The following DBX2 variants were observed in gnomAD, a reference collection of about 807,000 sequenced individuals.
DBX2 encodes homeobox protein DBX2.
DBX2 carries 16 observed loss-of-function variants against 17.7 expected under a neutral mutation model. The observed-to-expected ratio is 0.90, with a 90% CI of 0.61 to 1.37. The LOEUF is 1.37. Ranked by LOEUF, DBX2 falls within the 40% of genes most tolerant of loss-of-function variation. The probability of loss-of-function intolerance (pLI) is 0.00; values close to 1 mark genes in which losing one functional copy is unlikely to be tolerated. For synonymous variants in DBX2, 255 were observed against 183.8 expected (o/e 1.39, Z -3.13); for missense variants, 538 against 433.8 (o/e 1.24, Z -2.13).
At chr12:45,046,644 C>A (rs1946501910) in intron 1 of DBX2, among the ~76,000 whole-genome samples, 1 of 152,160 alleles carries the variant, frequency 6.6e-6, no homozygotes, top group Admixed American at 6.5e-5. Context: ...TTATTTCACA[C>A]TTTCAGTGTA....
At position 45,050,537 on chromosome 12, in the gene DBX2, G is replaced by A. The variant is rs1946525090; in HGVS notation, c.391C>T (p.Pro131Ser). 5 of 1,552,292 alleles carry A rather than the reference G, an allele frequency of 3.2e-6. No homozygotes were observed. The highest frequency in any genetic ancestry group is 3.5e-6 in the Non-Finnish European group (4 of 1,148,944). Residue 131 changes from proline (P) to serine (S), a missense_variant, in exon 1 of 4, where the codon CCT becomes TCT. Transcript: ENST00000332700. ...APGDRDCTFQ[P>S]SAPAPSKPFL... Reference sequence around the variant, plus strand: ...AGAGCTGGCTCACCTGGCGCTGAAGGCTGGAAGGTACAGTCTCGGTCCCCC... The same window carrying A: ...AGAGCTGGCTCACCTGGCGCTGAAGACTGGAAGGTACAGTCTCGGTCCCCC...
chr12:45,046,390 C>T (rs1163537049), intron 1 of DBX2, among the ~76,000 whole-genome samples: 1 of 152,082 alleles, frequency 6.6e-6, no homozygotes, highest in East Asian at 1.9e-4. Flanking sequence ...TAGCATAGGT[C>T]CCATCACTAT....
chr12:45,027,359 A>C (rs1203229539), intron 2 of DBX2, among the ~76,000 whole-genome samples: 1 of 152,242 alleles, frequency 6.6e-6, no homozygotes, highest in African/African-American at 2.4e-5. Flanking sequence ...AAGGACTTAG[A>C]GCAAAGCTGG....
At chr12:45,045,306 T>A (rs536985454) in intron 1 of DBX2, among the ~76,000 whole-genome samples, 8 of 152,342 alleles carry the variant, frequency 5.3e-5, no homozygotes, top group African/African-American at 1.4e-4. Context: ...AAACACTGTA[T>A]TAAGGGCTGC....
chr12:45,046,987 T>C (rs1162873829), intron 1 of DBX2, among the ~76,000 whole-genome samples: 2 of 152,214 alleles, frequency 1.3e-5, no homozygotes, highest in Non-Finnish European at 1.5e-5. Context: ...ATAAAGGAAA[T>C]TATATTCAGG....
At chr12:45,034,452 C>T (rs971390034) in intron 2 of DBX2, among the ~76,000 whole-genome samples, 7 of 152,208 alleles carry the variant, frequency 4.6e-5, no homozygotes, top group African/African-American at 7.2e-5. Context: ...CAATTGCCCT[C>T]ACAGGAGACC....
chr12:45,037,503 A>T (rs565338837), intron 1 of DBX2, among the ~76,000 whole-genome samples: 1 of 152,296 alleles, frequency 6.6e-6, no homozygotes, highest in South Asian at 2.1e-4. Context: ...GGTGTCTCTC[A>T]TAACTGATGA....
At chr12:45,024,687 G>T (rs1264164490) in intron 2 of DBX2, among the ~76,000 whole-genome samples, 1 of 152,196 alleles carries the variant, frequency 6.6e-6, no homozygotes, top group East Asian at 1.9e-4. Context: ...ATGTTTAATT[G>T]CTCTCATTAC....
chr12:45,025,022 C>A (rs1946374069), intron 2 of DBX2, among the ~76,000 whole-genome samples: 1 of 152,160 alleles, frequency 6.6e-6, no homozygotes, highest in Non-Finnish European at 1.5e-5. Flanking sequence ...ATTCTGCTTC[C>A]CAGGTGTGGC....
intron 2 of DBX2, among the ~76,000 whole-genome samples, chr12:45,027,787 A>T (rs1946389135): frequency 6.6e-6 from 1 of 152,258 alleles, no homozygotes; most frequent in Admixed American, 6.5e-5. Flanking sequence ...TAATGAAAAC[A>T]GGCAAGCATT....
At chr12:45,039,787 G>A (rs114745061) in intron 1 of DBX2, among the ~76,000 whole-genome samples, 1,867 of 151,946 alleles carry the variant, frequency 0.012, 45 homozygotes, top group African/African-American at 0.042. Flanking sequence ...TAGCCATGAG[G>A]GATAGAGATT....
intron 3 of DBX2, among the ~76,000 whole-genome samples, chr12:45,019,367 C>A (rs1005646564): frequency 2.6e-5 from 4 of 151,958 alleles, no homozygotes; most frequent in African/African-American, 9.7e-5. Context: ...CAAATAAAAG[C>A]CCCTCACGTT....
chr12:45,015,986 T>C lies in DBX2; in HGVS notation c.*300A>G, dbSNP rs1375263843. ...ACATTTTAATGGATATTTATGTATA[T>C]ACACACACATAGAGACAAACACATA... is the stretch of plus-strand genomic sequence containing the variant. On this transcript the variant is annotated 3_prime_UTR_variant, in exon 4 of 4. Transcript: ENST00000332700. 5 of 222,818 alleles carry C rather than the reference T, an allele frequency of 2.2e-5. No individual in the cohort carries two copies. Among genetic ancestry groups the C allele is most frequent in the East Asian group, 1.9e-4 (2 of 10,524 alleles). The allele number at this position is 222,818 out of a possible 1,614,324, so 13.8% of individuals were successfully genotyped here. A position where few individuals can be genotyped will look rare whatever the true frequency, so the allele number is the denominator to read the frequency against.
intron 1 of DBX2, among the ~76,000 whole-genome samples, chr12:45,044,325 T>C (rs1946487677): frequency 6.6e-6 from 1 of 152,170 alleles, no homozygotes; most frequent in Non-Finnish European, 1.5e-5. Context: ...TTGCCAGCAG[T>C]CACGGTTTTT....
At position 45,050,510 on chromosome 12, in the gene DBX2, G is replaced by C. The variant is rs1190185164; in HGVS notation, c.403+15C>G. 6.5e-6 allele frequency: 10 copies of C among 1,547,116 alleles called. No homozygotes were observed. In the South Asian group the frequency reaches 1.2e-4, roughly 18 times the overall value. On this transcript the variant is annotated intron_variant, in intron 1 of 3. Transcript: ENST00000332700. ...GCGCGGGCGCGGCTGGGGAGGGAGG[G>C]GAGAGCTGGCTCACCTGGCGCTGAA...
chr12:45,028,561 A>G (rs73277005), intron 2 of DBX2, among the ~76,000 whole-genome samples: 6,070 of 152,248 alleles, frequency 0.04, 402 homozygotes, highest in African/African-American at 0.14. Context: ...GGTTTTCCTA[A>G]TAAGTTGTTT....
rs575500670 is a variant in DBX2, at chr12:45,023,791, C to T, written c.603G>A (p.Leu201=). The T allele has an allele frequency of 4.3e-6, 7 of 1,613,694 alleles. No homozygotes were observed. The South Asian group carries it at 7.7e-5, about 18-fold the overall frequency. Residue 201 remains leucine, a synonymous_variant, in exon 3 of 4, where the codon CTG becomes CTA. Coordinates refer to ENST00000332700, the MANE Select transcript of DBX2 (RefSeq NM_001004329.3). The stretch of plus-strand genomic sequence containing the variant: ...ATTTCTGTTTCTGAAACATTTTCTC[C>T]AGAGCCTTTCTCTGGTCCTCAGAAA... The part of the protein sequence containing the change: ...AVFSEDQRKA[L]EKMFQKQKYI...
chr12:45,035,710 G>T (rs1343126289), intron 2 of DBX2, among the ~76,000 whole-genome samples: 1 of 152,036 alleles, frequency 6.6e-6, no homozygotes, highest in African/African-American at 2.4e-5. Context: ...CTTCTTTAAA[G>T]GAGTGTTGCT....
intron 2 of DBX2, among the ~76,000 whole-genome samples, chr12:45,030,764 G>C (rs190258749): frequency 1.4e-3 from 219 of 152,252 alleles, no homozygotes; most frequent in African/African-American, 5.2e-3. Flanking sequence ...GATAGCGTAA[G>C]TCTATGAAGC....
Sources: gnomAD v4.1 joint callset for allele counts (sites outside exome capture counted in the v4.1 genomes callset) on GRCh38, gnomAD v4.1.1 for gene constraint, MANE v1.5 for transcripts, NCBI Gene and HGNC (gene_info 2026-07-23, HGNC 2026-07-21) for gene names.